CBR4: variants seen among roughly 807,000 people sequenced by gnomAD.
CBR4 encodes carbonyl reductase 4.
A neutral mutation model predicts 21.0 loss-of-function variants in CBR4; 22 were observed. The ratio of observed to expected loss-of-function variants is 1.05; its 90% CI spans 0.75 to 1.50. The LOEUF is 1.50. Among genes scored for constraint, CBR4 ranks in the 40% most tolerant of loss-of-function variants. The probability of loss-of-function intolerance (pLI) is 0.00; values close to 1 mark genes in which losing one functional copy is unlikely to be tolerated. For missense variants in CBR4, 302 were observed against 286.3 expected, an observed-to-expected ratio of 1.05 and a Z score of -0.40; for synonymous variants, 100 against 104.4, an observed-to-expected ratio of 0.96 and a Z score of 0.26.
At position 168,989,158 on chromosome 4, in the gene CBR4, A is replaced by C; in HGVS notation, c.*992T>G. The C allele has an allele frequency of 1.0e-6, 1 of 965,470 alleles. No individual in the cohort carries two copies. The highest frequency in any genetic ancestry group is 1.2e-6 in the Non-Finnish European group (1 of 811,744). 59.8% of individuals were successfully genotyped at this position (965,470 alleles called of 1,614,324 possible). A position where few individuals can be genotyped will look rare whatever the true frequency, so the allele number is the denominator to read the frequency against. On this transcript the variant is annotated 3_prime_UTR_variant, in exon 5 of 5. Transcript: ENST00000306193. ...TATGCTTATTCATACAGAATTTATT[A>C]CTTTCTAGAATTTTGGGATAAGAAT...
chr4:168,990,846 A>G (rs1764883559), intron 4 of CBR4, among the ~76,000 whole-genome samples: 1 of 152,060 alleles, frequency 6.6e-6, no homozygotes, highest in South Asian at 2.1e-4. Flanking sequence ...TGAGGGCAGG[A>G]GTTCGAGACC....
At chr4:169,005,794 A>C in intron 3 of CBR4, 3 of 891,500 alleles carry the variant, frequency 3.4e-6, no homozygotes, top group Non-Finnish European at 4.8e-6. Context: ...TTAGCATAGT[A>C]TTCTTTCCTT....
intron 2 of CBR4, among the ~76,000 whole-genome samples, chr4:168,950,849 T>TG (rs1227843788): frequency 6.6e-6 from 1 of 152,198 alleles, no homozygotes; most frequent in Non-Finnish European, 1.5e-5. Context: ...ATGTCCCTCT[T>TG]TGTCTTTTTT....
intron 2 of CBR4, among the ~76,000 whole-genome samples, chr4:168,970,475 AGACT>A (rs1312264113): frequency 6.6e-6 from 1 of 152,122 alleles, no homozygotes; most frequent in Non-Finnish European, 1.5e-5. Flanking sequence ...TTTTTTGAAT[AGACT>A]ATTTTTTTCA....
rs867904884 is a variant in CBR4, at chr4:168,910,600, C to T, written n.170-15835G>A. ...TAACATTTTGAGCATTGGCTTCATGCAAAACACAATGCTGCCCGGTGCTTT... is the reference window on the plus strand; with the variant it reads ...TAACATTTTGAGCATTGGCTTCATGTAAAACACAATGCTGCCCGGTGCTTT... On this transcript the variant is annotated intron_variant and non_coding_transcript_variant, in intron 2 of 3. Transcript: ENST00000509108. Among the ~76,000 whole-genome samples, 32 of 152,150 alleles carry T rather than the reference C, an allele frequency of 2.1e-4. 1 individual carries two copies. The highest frequency in any genetic ancestry group is 2.0e-3 in the Admixed American group (31 of 15,262).
At chr4:168,971,616 T>G (rs1255303018) in intron 2 of CBR4, among the ~76,000 whole-genome samples, 1 of 152,080 alleles carries the variant, frequency 6.6e-6, no homozygotes, top group Non-Finnish European at 1.5e-5. Flanking sequence ...AATTGTCTAC[T>G]CATGTCCTCA....
chr4:168,994,405 C>T (rs1765080630), intron 4 of CBR4, among the ~76,000 whole-genome samples: 2 of 152,252 alleles, frequency 1.3e-5, no homozygotes, highest in African/African-American at 4.8e-5. Context: ...AAACAGGTCA[C>T]GGTGCTGCAG....
chr4:168,911,307 C>T (rs1758893992), intron 2 of CBR4, among the ~76,000 whole-genome samples: 1 of 152,198 alleles, frequency 6.6e-6, no homozygotes, highest in Non-Finnish European at 1.5e-5. Context: ...CTGAATTTAA[C>T]TTACATTATA....
chr4:168,988,622 T>G lies in CBR4; in HGVS notation c.*1528A>C. The G allele has an allele frequency of 1.0e-6, 1 of 985,450 alleles. No individual in the cohort carries two copies. The highest frequency in any genetic ancestry group is 1.2e-6 in the Non-Finnish European group (1 of 829,918). The allele number at this position is 985,450 out of a possible 1,614,324, so 61.0% of individuals were successfully genotyped here. On this transcript the variant is annotated 3_prime_UTR_variant, in exon 5 of 5. Transcript: ENST00000306193. ...TTCTGAGTGCTGCATTTCCTATATG[T>G]GCCTAGACTTGGTAATGCCTGATAA...
intron 2 of CBR4, among the ~76,000 whole-genome samples, chr4:168,914,667 G>T (rs1385343233): frequency 6.6e-6 from 1 of 152,166 alleles, no homozygotes; most frequent in Non-Finnish European, 1.5e-5. Flanking sequence ...AAAAAATTCA[G>T]TAAGTCAACC....
intron 2 of CBR4, among the ~76,000 whole-genome samples, chr4:168,975,377 GGTTAT>G (rs1764337778): frequency 2.0e-5 from 3 of 152,328 alleles, no homozygotes; most frequent in African/African-American, 7.2e-5. Flanking sequence ...CTTGAATGCT[GGTTAT>G]GTTAGCAGTG....
chr4:168,914,934 AATACCT>A (rs1759796552), intron 2 of CBR4, among the ~76,000 whole-genome samples: 1 of 152,182 alleles, frequency 6.6e-6, no homozygotes, highest in Non-Finnish European at 1.5e-5. Flanking sequence ...TCATCATGGC[AATACCT>A]ATTCACAGGA....
intron 1 of CBR4, chr4:169,008,866 T>G (rs778241036): frequency 1.4e-4 from 58 of 409,256 alleles, no homozygotes; most frequent in Non-Finnish European, 2.5e-4. Context: ...TTTTTTCTTT[T>G]AGAGAGCCCA....
At chr4:168,980,021 C>T (rs1051646198) in intron 2 of CBR4, among the ~76,000 whole-genome samples, 4 of 152,170 alleles carry the variant, frequency 2.6e-5, no homozygotes, top group African/African-American at 4.8e-5. Context: ...CCACAACACA[C>T]TGGGATGATT....
At chr4:168,970,426 T>C (rs1286284253) in intron 2 of CBR4, among the ~76,000 whole-genome samples, 3 of 152,224 alleles carry the variant, frequency 2.0e-5, no homozygotes, top group African/African-American at 7.2e-5. Context: ...CCCTACCTGA[T>C]TTTTGTTTTA....
chr4:168,947,335 CT>C (rs1177135917), intron 2 of CBR4, among the ~76,000 whole-genome samples: 1 of 152,080 alleles, frequency 6.6e-6, no homozygotes, highest in Non-Finnish European at 1.5e-5. Flanking sequence ...CTGAATTTTG[CT>C]GATTACTCAT....
At chr4:168,964,978 T>C (rs571741599) in intron 2 of CBR4, among the ~76,000 whole-genome samples, 10 of 152,192 alleles carry the variant, frequency 6.6e-5, no homozygotes, top group Non-Finnish European at 1.2e-4. Flanking sequence ...ACTAAAACTT[T>C]GCAGATGACA....
At chr4:168,922,921 G>A (rs1035721661) in intron 2 of CBR4, among the ~76,000 whole-genome samples, 3 of 152,094 alleles carry the variant, frequency 2.0e-5, no homozygotes, top group Admixed American at 6.5e-5. Context: ...CTCCAGTCCC[G>A]GCTCTTGTCG....
intron 2 of CBR4, among the ~76,000 whole-genome samples, chr4:168,939,837 C>T (rs1763213975): frequency 6.6e-6 from 1 of 152,110 alleles, no homozygotes; most frequent in African/African-American, 2.4e-5. Flanking sequence ...TAGGAAGAAT[C>T]AATATCATGA....
Sources: gnomAD v4.1 joint callset for allele counts (sites outside exome capture counted in the v4.1 genomes callset) on GRCh38, gnomAD v4.1.1 for gene constraint, MANE v1.5 for transcripts, NCBI Gene and HGNC (gene_info 2026-07-23, HGNC 2026-07-21) for gene names.